The following FGF1 variants were observed in gnomAD, a reference collection of about 807,000 sequenced individuals.
FGF1 encodes beta-endothelial cell growth factor.
Under a neutral mutation model 13.4 loss-of-function variants are expected in FGF1, and 9 were observed. That is an observed-to-expected ratio of 0.67 (90% CI 0.40 to 1.17). The LOEUF (loss-of-function observed/expected upper bound fraction) is 1.17, where lower values mean the gene tolerates loss of function less well. Ranked by LOEUF, FGF1 falls within the 50% of genes most tolerant of loss-of-function variation. FGF1 has a pLI of 0.01. For missense variants in FGF1, 156 were observed against 192.7 expected, an observed-to-expected ratio of 0.81 and a Z score of 1.13; for synonymous variants, 93 against 79.0, an observed-to-expected ratio of 1.18 and a Z score of -0.94.
chr5:142,688,771 T>C (rs1209889994), upstream of FGF1, among the ~76,000 whole-genome samples: 5 of 152,220 alleles, frequency 3.3e-5, no homozygotes, highest in Admixed American at 3.3e-4. Flanking sequence ...ACATCTAAAA[T>C]GTTGTGGCTC....
rs1468438328 is a variant in FGF1 at position 142,643,537 on chromosome 5, C to CTGG, written c.-34-29377_-34-29376insCCA. On this transcript the variant is annotated intron_variant, in intron 1 of 3. Coordinates refer to ENST00000337706, the MANE Select transcript of FGF1 (RefSeq NM_000800.5). ...ATACCCTGAGTTACTGGCTAAAGTT[C>CTGG]CTCACTCAAGTCTCCCTCTAGGAAA... Among the ~76,000 whole-genome samples the CTGG allele has an allele frequency of 4.6e-5, 7 of 152,290 alleles. No individual in the cohort carries two copies. In the South Asian group the frequency reaches 1.2e-3, roughly 27 times the overall value.
Position 142,595,233 on chromosome 5 carries a change from C to A in FGF1, c.*57G>T. The A allele has an allele frequency of 6.7e-7, 1 of 1,490,070 alleles. No individual in the cohort carries two copies. Among genetic ancestry groups the A allele is most frequent in the Non-Finnish European group, 9.1e-7 (1 of 1,093,790 alleles). The allele number at this position is 1,490,070 out of a possible 1,614,324, so 92.3% of individuals were successfully genotyped here. The stretch of plus-strand genomic sequence containing the variant: ...GGTCAAGGGAACATTTTTGGGTCAA[C>A]CAGGTGAGGACCCCTCGAAACTTCT... On this transcript the variant is annotated 3_prime_UTR_variant, in exon 4 of 4. Coordinates refer to ENST00000337706, the MANE Select transcript of FGF1 (RefSeq NM_000800.5).
intron 1 of FGF1, among the ~76,000 whole-genome samples, chr5:142,614,873 T>A (rs1759878323): frequency 6.6e-6 from 1 of 152,164 alleles, no homozygotes; most frequent in African/African-American, 2.4e-5. Context: ...TCCTGCCCAT[T>A]CTGCAGCTTT....
At chr5:142,623,792 G>A (rs1762030642) in intron 1 of FGF1, among the ~76,000 whole-genome samples, 1 of 149,018 alleles carries the variant, frequency 6.7e-6, no homozygotes, top group Non-Finnish European at 1.5e-5. Context: ...CACCCAGGCT[G>A]GAGTGCAGAG....
intron 1 of FGF1, among the ~76,000 whole-genome samples, chr5:142,685,182 C>T (rs769059674): frequency 2.8e-4 from 42 of 152,052 alleles, no homozygotes; most frequent in Non-Finnish European, 2.4e-4. Context: ...GTGTATGTGC[C>T]AGAGACTCTG....
intron 2 of FGF1, among the ~76,000 whole-genome samples, chr5:142,692,904 G>A (rs576877223): frequency 1.1e-4 from 16 of 152,244 alleles, no homozygotes; most frequent in Middle Eastern, 6.8e-3. Flanking sequence ...TGATGAATCC[G>A]AGGTTTAAGT....
At chr5:142,639,011 C>T (rs752792513) in intron 1 of FGF1, among the ~76,000 whole-genome samples, 24 of 151,812 alleles carry the variant, frequency 1.6e-4, no homozygotes, top group Non-Finnish European at 2.6e-4. Context: ...ATCAAAAAGA[C>T]AAAAGATAAC....
chr5:142,628,454 G>A (rs755470294), intron 1 of FGF1, among the ~76,000 whole-genome samples: 3 of 152,216 alleles, frequency 2.0e-5, no homozygotes, highest in Non-Finnish European at 4.4e-5. Context: ...AGGTTGCAGT[G>A]AGCCGAGATC....
chr5:142,593,784 C>G lies in FGF1; in HGVS notation c.*1506G>C, dbSNP rs33999. 0.4 allele frequency: 61,284 copies of G among 152,462 alleles called. 12,526 individuals carry two copies. The highest frequency in any genetic ancestry group is 0.59 in the East Asian group (3,045 of 5,172). 9.4% of individuals were successfully genotyped at this position (152,462 alleles called of 1,614,324 possible). A position where few individuals can be genotyped will look rare whatever the true frequency, so the allele number is the denominator to read the frequency against. On this transcript the variant is annotated 3_prime_UTR_variant, in exon 4 of 4. Coordinates refer to ENST00000337706, the MANE Select transcript of FGF1 (RefSeq NM_000800.5). ...TATATATTTTTAAATGCAATTAAAACATACAGTCTCACAGTAAATTTCAAT... is the reference window on the plus strand; with the variant it reads ...TATATATTTTTAAATGCAATTAAAAGATACAGTCTCACAGTAAATTTCAAT...
intron 1 of FGF1, among the ~76,000 whole-genome samples, chr5:142,637,869 A>G (rs1487790410): frequency 1.3e-5 from 2 of 152,040 alleles, no homozygotes; most frequent in East Asian, 3.9e-4. Flanking sequence ...TAAGGGCAGG[A>G]CAGAGCCTGG....
rs144176273 is a variant in FGF1 at position 142,603,333 on chromosome 5, C to T, written c.170-2528G>A. On this transcript the variant is annotated intron_variant, in intron 2 of 3. Transcript: ENST00000337706. ...CTAAATATCCTAAAAGAGGCCCTCC[C>T]CAGAGTGTGTGACACTCTGCGCACG... 2.2e-3 allele frequency among the ~76,000 whole-genome samples: 336 copies of T among 152,248 alleles called. 2 individuals are homozygous for T. The highest frequency in any genetic ancestry group is 7.8e-3 in the African/African-American group (326 of 41,544).
intron 2 of FGF1, among the ~76,000 whole-genome samples, chr5:142,694,082 ATC>A (rs1752683070): frequency 7.0e-6 from 1 of 142,088 alleles, no homozygotes; most frequent in Non-Finnish European, 1.5e-5. Flanking sequence ...ATCTCTATCT[ATC>A]TATAATCTAT....
chr5:142,667,585 C>CAAAAAA (rs747487970), intron 1 of FGF1, among the ~76,000 whole-genome samples: 79 of 62,064 alleles, frequency 1.3e-3, no homozygotes, highest in East Asian at 3.8e-3. Flanking sequence ...GACTCCGTCT[C>CAAAAAA]AAAAAAAAAA....
intron 1 of FGF1, among the ~76,000 whole-genome samples, chr5:142,675,423 G>A (rs138194068): frequency 3.4e-4 from 51 of 152,214 alleles, no homozygotes; most frequent in African/African-American, 9.9e-4. Context: ...GTGCTGGTGC[G>A]GAAGCCAAGT....
intron 1 of FGF1, among the ~76,000 whole-genome samples, chr5:142,649,345 A>G (rs1427857556): frequency 2.0e-5 from 3 of 151,736 alleles, no homozygotes; most frequent in Non-Finnish European, 4.4e-5. Flanking sequence ...TATCACTACT[A>G]TAAGTACATT....
chr5:142,684,740 C>T (rs1247388660), intron 1 of FGF1, among the ~76,000 whole-genome samples: 3 of 152,236 alleles, frequency 2.0e-5, no homozygotes, highest in South Asian at 2.1e-4. Flanking sequence ...CTTCCCAAAG[C>T]GAGGCCCACT....
chr5:142,616,209 C>T (rs529147575), intron 1 of FGF1, among the ~76,000 whole-genome samples: 1 of 152,180 alleles, frequency 6.6e-6, no homozygotes, highest in Non-Finnish European at 1.5e-5. Flanking sequence ...AAAATGAGGG[C>T]TCATGTTGGA....
At chr5:142,696,895 A>T (rs1002396094) in intron 2 of FGF1, among the ~76,000 whole-genome samples, 1 of 152,214 alleles carries the variant, frequency 6.6e-6, no homozygotes, top group Non-Finnish European at 1.5e-5. Context: ...TACATCCAGG[A>T]TAACAGTTTG....
chr5:142,607,935 C>T (rs1223010660), intron 2 of FGF1, among the ~76,000 whole-genome samples: 1 of 152,192 alleles, frequency 6.6e-6, no homozygotes, highest in Admixed American at 6.5e-5. Flanking sequence ...AAGTTTGTAG[C>T]TTTGGTTTTC....
Sources: gnomAD v4.1 joint callset for allele counts (sites outside exome capture counted in the v4.1 genomes callset) on GRCh38, gnomAD v4.1.1 for gene constraint, MANE v1.5 for transcripts, NCBI Gene and HGNC (gene_info 2026-07-23, HGNC 2026-07-21) for gene names.